LIMCH1: variants seen among roughly 807,000 people sequenced by gnomAD.
LIMCH1 encodes the protein LIM and calponin homology domains-containing protein 1.
In LIMCH1, 113 loss-of-function variants were observed where a neutral mutation model predicts 176.5. The ratio of observed to expected loss-of-function variants is 0.64; its 90% CI spans 0.55 to 0.75. LIMCH1 has a LOEUF of 0.75. Among genes scored for constraint, LIMCH1 ranks in the 30% least tolerant of loss-of-function variants. LIMCH1 has a pLI of 0.00. For synonymous variants in LIMCH1, 619 were observed against 645.9 expected (o/e 0.96, Z 0.63); for missense variants, 1,674 against 1,814.9 (o/e 0.92, Z 1.41).
In LIMCH1 at chr4:41,697,220, C is replaced by T. The variant is rs762531238; in HGVS notation, c.*35C>T. ...CAAGCTTCCGGATCACTCACCATTT[C>T]TTTACTGAGAGTGTCCCCTGGCAAC... On this transcript the variant is annotated 3_prime_UTR_variant, in exon 32 of 32. Transcript: ENST00000503057. 2 of 1,607,156 alleles carry T rather than the reference C, an allele frequency of 1.2e-6. No homozygotes were observed. The highest frequency in any genetic ancestry group is 3.3e-5 in the Admixed American group (2 of 59,974).
At chr4:41,439,205 G>A (rs1173344604) in intron 1 of LIMCH1, among the ~76,000 whole-genome samples, 1 of 152,154 alleles carries the variant, frequency 6.6e-6, no homozygotes, top group Non-Finnish European at 1.5e-5. Context: ...GTCAGATGGG[G>A]ACATAATTGC....
chr4:41,402,691 T>C (rs1004111435), intron 1 of LIMCH1, among the ~76,000 whole-genome samples: 1 of 146,944 alleles, frequency 6.8e-6, no homozygotes. Context: ...ATGGATGAAA[T>C]TGGAAATCAT....
chr4:41,463,018 C>A (rs551636418), intron 1 of LIMCH1, among the ~76,000 whole-genome samples: 1 of 151,908 alleles, frequency 6.6e-6, no homozygotes, highest in South Asian at 2.1e-4. Context: ...CAGCATGGCA[C>A]AGCTCTTAAT....
intron 1 of LIMCH1, among the ~76,000 whole-genome samples, chr4:41,593,532 A>G (rs1371633594): frequency 6.6e-6 from 1 of 152,168 alleles, no homozygotes; most frequent in Admixed American, 6.5e-5. Context: ...TCACAATCCT[A>G]CCTAGTTGAA....
intron 1 of LIMCH1, among the ~76,000 whole-genome samples, chr4:41,381,470 T>C (rs2055657152): frequency 1.3e-5 from 2 of 152,206 alleles, no homozygotes; most frequent in South Asian, 4.1e-4. Context: ...GGGAGCTGAA[T>C]TGGTGTGGTT....
intron 1 of LIMCH1, among the ~76,000 whole-genome samples, chr4:41,597,269 A>C (rs944599281): frequency 3.3e-5 from 5 of 152,118 alleles, no homozygotes; most frequent in Non-Finnish European, 7.3e-5. Context: ...CAATTTGCTT[A>C]ATTGTTCTGT....
At chr4:41,361,089 C>G (rs1370086682) in intron 1 of LIMCH1, among the ~76,000 whole-genome samples, 1 of 152,110 alleles carries the variant, frequency 6.6e-6, no homozygotes, top group East Asian at 1.9e-4. Flanking sequence ...CCTCGGCGAG[C>G]CGCGAAACCT....
intron 1 of LIMCH1, among the ~76,000 whole-genome samples, chr4:41,469,518 T>C (rs150472543): frequency 2.3e-3 from 354 of 152,298 alleles, no homozygotes; most frequent in South Asian, 7.3e-3. Context: ...CTTCATAGTG[T>C]CCAAGGCATG....
intron 1 of LIMCH1, among the ~76,000 whole-genome samples, chr4:41,437,056 G>C (rs151324602): frequency 6.6e-6 from 1 of 152,320 alleles, no homozygotes; most frequent in East Asian, 1.9e-4. Flanking sequence ...AAGGCCTACT[G>C]TAGCTGTGTG....
chr4:41,373,086 C>T (rs1025226035), intron 1 of LIMCH1, among the ~76,000 whole-genome samples: 17 of 152,118 alleles, frequency 1.1e-4, no homozygotes, highest in African/African-American at 2.9e-4. Flanking sequence ...CACAGAATCA[C>T]GCGTGTGATG....
At chr4:41,430,077 C>T (rs2061459743) in intron 1 of LIMCH1, among the ~76,000 whole-genome samples, 1 of 152,070 alleles carries the variant, frequency 6.6e-6, no homozygotes, top group African/African-American at 2.4e-5. Flanking sequence ...GCACTAAATT[C>T]CTAATACAGT....
At chr4:41,558,554 C>T (rs1239158562) in intron 1 of LIMCH1, among the ~76,000 whole-genome samples, 1 of 152,110 alleles carries the variant, frequency 6.6e-6, no homozygotes, top group East Asian at 1.9e-4. Flanking sequence ...ATTACCGTCC[C>T]AGCCCTTCCC....
rs1367779547 is a variant in LIMCH1, at chr4:41,629,810, TG to T, written c.1271+77del. The T allele has an allele frequency of 2.1e-6, 3 of 1,436,834 alleles. No homozygotes were observed. In the African/African-American group the frequency reaches 4.4e-5, roughly 21 times the overall value. 89.0% of individuals were successfully genotyped at this position (1,436,834 alleles called of 1,614,324 possible). On this transcript the variant is annotated intron_variant, in intron 9 of 31. Coordinates refer to ENST00000503057, the MANE Select transcript of LIMCH1 (RefSeq NM_001330672.2). Reference sequence around the variant, plus strand: ...TTTGAAGGCATCAAATGCTTATCTTTGTGTCTTTTTTTTTTTTGTCAGGGTC... The same window carrying T: ...TTTGAAGGCATCAAATGCTTATCTTTTGTCTTTTTTTTTTTTGTCAGGGTC...
chr4:41,421,317 C>G (rs73810239), intron 1 of LIMCH1, among the ~76,000 whole-genome samples: 4 of 152,164 alleles, frequency 2.6e-5, no homozygotes, highest in African/African-American at 9.6e-5. Context: ...ACTTAAATGG[C>G]GGGGAGAGAG....
intron 14 of LIMCH1, among the ~76,000 whole-genome samples, chr4:41,639,507 A>G (rs1413312688): frequency 3.3e-5 from 5 of 152,144 alleles, no homozygotes. Context: ...ATGGCTTAGC[A>G]GGGGGCCAAG....
At chr4:41,436,173 G>A (rs767733090) in intron 1 of LIMCH1, among the ~76,000 whole-genome samples, 1 of 152,140 alleles carries the variant, frequency 6.6e-6, no homozygotes, top group Non-Finnish European at 1.5e-5. Context: ...AGGAATTCTT[G>A]TTCCCTCTTT....
intron 2 of LIMCH1, among the ~76,000 whole-genome samples, chr4:41,511,151 G>A (rs2074861067): frequency 6.6e-6 from 1 of 152,136 alleles, no homozygotes; most frequent in African/African-American, 2.4e-5. Flanking sequence ...CTCTGTCTGG[G>A]TGCAATGATT....
intron 1 of LIMCH1, among the ~76,000 whole-genome samples, chr4:41,405,825 TA>T (rs2058900888): frequency 6.6e-6 from 1 of 151,914 alleles, no homozygotes; most frequent in Non-Finnish European, 1.5e-5. Context: ...TCAATGATGA[TA>T]GGGGTTGTGC....
chr4:41,552,792 G>A (rs1243414714), intron 1 of LIMCH1, among the ~76,000 whole-genome samples: 1 of 151,936 alleles, frequency 6.6e-6, no homozygotes, highest in Non-Finnish European at 1.5e-5. Context: ...ATTACTATTT[G>A]ATTATGATAA....
Sources: gnomAD v4.1 joint callset for allele counts (sites outside exome capture counted in the v4.1 genomes callset) on GRCh38, gnomAD v4.1.1 for gene constraint, MANE v1.5 for transcripts, NCBI Gene and HGNC (gene_info 2026-07-23, HGNC 2026-07-21) for gene names.